Variants in TANC1 observed in about 807,000 individuals in gnomAD.
The protein encoded by TANC1 is tetratricopeptide repeat, ankyrin repeat and coiled-coil containing 1, also known as protein TANC1.
A neutral mutation model predicts 149.7 loss-of-function variants in TANC1; 77 were observed. That is an observed-to-expected ratio of 0.51 (90% CI 0.43 to 0.62). The LOEUF (loss-of-function observed/expected upper bound fraction) is 0.62. Among genes scored for constraint, TANC1 ranks in the 20% least tolerant of loss-of-function variants. The probability of loss-of-function intolerance (pLI) is 0.00; values close to 1 mark genes in which losing one functional copy is unlikely to be tolerated. For synonymous variants in TANC1, 854 were observed against 925.0 expected, an observed-to-expected ratio of 0.92 and a Z score of 1.39; for missense variants, 1,985 against 2,321.8, an observed-to-expected ratio of 0.85 and a Z score of 2.98.
intron 16 of TANC1, among the ~76,000 whole-genome samples, chr2:159,192,711 G>A (rs1266326068): frequency 1.3e-5 from 2 of 152,172 alleles, no homozygotes; most frequent in Admixed American, 6.5e-5. Flanking sequence ...GTGCAGTGAC[G>A]TAATCTTGGC....
chr2:159,229,491 C>G (rs904267343), intron 26 of TANC1, 87 bp from the exon 27 acceptor site: 36 of 1,164,966 alleles, frequency 3.1e-5, no homozygotes, highest in Non-Finnish European at 2.5e-5. Flanking sequence ...CCTTCTCTTT[C>G]CTTTGAGCAC....
intron 1 of TANC1, among the ~76,000 whole-genome samples, chr2:158,982,580 A>G (rs1162073952): frequency 6.6e-6 from 1 of 152,110 alleles, no homozygotes; most frequent in African/African-American, 2.4e-5. Context: ...TCCTCTTACC[A>G]TATTTTATTT....
intron 19 of TANC1, among the ~76,000 whole-genome samples, chr2:159,209,341 A>C (rs982128320): frequency 3.9e-5 from 6 of 152,232 alleles, no homozygotes; most frequent in African/African-American, 1.4e-4. Flanking sequence ...AGCTCTTGGA[A>C]AGTATGTTCT....
At chr2:159,097,570 G>A (rs943422517) in intron 3 of TANC1, 67 bp from the exon 4 acceptor site, 29 of 1,168,194 alleles carry the variant, frequency 2.5e-5, no homozygotes, top group Non-Finnish European at 3.5e-5. Context: ...ATAGTTTATA[G>A]GAGTTAAATT....
intron 19 of TANC1, among the ~76,000 whole-genome samples, chr2:159,201,957 C>T (rs1575226399): frequency 1.3e-5 from 2 of 152,242 alleles, no homozygotes; most frequent in African/African-American, 4.8e-5. Context: ...CATCTCTTCT[C>T]TGCCATTGCC....
intron 6 of TANC1, chr2:159,149,507 A>G (rs2150312968): frequency 3.8e-6 from 2 of 521,124 alleles, no homozygotes; most frequent in South Asian, 2.1e-5. Flanking sequence ...TCTAGTCACC[A>G]CCCAGAGAAT....
intron 2 of TANC1, among the ~76,000 whole-genome samples, chr2:159,022,087 C>T (rs187319657): frequency 2.6e-5 from 4 of 152,316 alleles, no homozygotes; most frequent in Admixed American, 6.5e-5. Context: ...TCCTGGTATA[C>T]GTAACTTTAC....
intron 1 of TANC1, among the ~76,000 whole-genome samples, chr2:158,987,213 CAAAAAAAAAAA>C (rs34300029): frequency 1.3e-5 from 1 of 76,026 alleles, no homozygotes; most frequent in Admixed American, 1.7e-4. Context: ...GACTCATCTC[CAAAAAAAAAAA>C]AAAAAAAAGA....
At chr2:159,162,656 C>A (rs1215807832) in intron 7 of TANC1, among the ~76,000 whole-genome samples, 2 of 152,222 alleles carry the variant, frequency 1.3e-5, no homozygotes, top group Non-Finnish European at 2.9e-5. Context: ...AGTATACCTT[C>A]TCCTGCTGGT....
At position 159,210,535 on chromosome 2, in the gene TANC1, G is replaced by A. The variant is rs1020436056; in HGVS notation, c.3245-6962G>A. 3.9e-5 allele frequency among the ~76,000 whole-genome samples: 6 copies of A among 151,990 alleles called. No individual in the cohort carries two copies. The East Asian group carries it at 5.8e-4, about 15-fold the overall frequency. Reference sequence around the variant, plus strand: ...GCTCTCTCACTGCTGTTTCCAATACGTTCAGATTGTTGTCAGGTTTTGTTT... The same window carrying A: ...GCTCTCTCACTGCTGTTTCCAATACATTCAGATTGTTGTCAGGTTTTGTTT... On this transcript the variant is annotated intron_variant, in intron 19 of 26. Coordinates refer to ENST00000263635, the MANE Select transcript of TANC1 (RefSeq NM_033394.3).
chr2:158,991,627 G>A (rs1403966064), intron 1 of TANC1, among the ~76,000 whole-genome samples: 2 of 151,986 alleles, frequency 1.3e-5, no homozygotes, highest in African/African-American at 2.4e-5. Context: ...GGTGGCGGGG[G>A]CCTGTAGTCC....
intron 4 of TANC1, 124 bp downstream of exon 4, chr2:159,097,958 G>A: frequency 1.3e-6 from 1 of 776,124 alleles, no homozygotes; most frequent in Non-Finnish European, 2.0e-6. Context: ...GTATCTTCTA[G>A]AAGAAATAAA....
chr2:159,039,237 CTTCT>C (rs546363113), intron 2 of TANC1, among the ~76,000 whole-genome samples: 3 of 151,958 alleles, frequency 2.0e-5, no homozygotes, highest in Non-Finnish European at 2.9e-5. Flanking sequence ...TGATTCTTCT[CTTCT>C]TTATTAGTCT....
chr2:159,194,466 G>A lies in TANC1; in HGVS notation c.2952G>A (p.Val984=). Residue 984 remains valine, a synonymous_variant, in exon 17 of 27, where the codon GTG becomes GTA. Transcript: ENST00000263635. ...YAAAAGHMKL[V]CLLTKKGVRV... ...CAGCTGCTGGCCACATGAAGCTGGT[G>A]TGTCTGCTGACCAAGAAGGGAGTGA... 2 of 1,614,260 alleles carry A rather than the reference G, an allele frequency of 1.2e-6. No individual in the cohort carries two copies. The highest frequency in any genetic ancestry group is 8.5e-7 in the Non-Finnish European group (1 of 1,180,034).
At chr2:159,183,811 C>G (rs1305976360) in intron 14 of TANC1, among the ~76,000 whole-genome samples, 2 of 152,062 alleles carry the variant, frequency 1.3e-5, no homozygotes, top group Non-Finnish European at 2.9e-5. Flanking sequence ...GGGACCGGGG[C>G]CTGAGTGACG....
intron 2 of TANC1, among the ~76,000 whole-genome samples, chr2:159,053,297 AAAAT>A (rs1299607986): frequency 6.6e-6 from 1 of 152,130 alleles, no homozygotes; most frequent in Non-Finnish European, 1.5e-5. Flanking sequence ...AAAAGAGAAA[AAAAT>A]AAAGCTATTG....
intron 4 of TANC1, among the ~76,000 whole-genome samples, chr2:159,130,365 CAAAAAGTTGTGAGGGGAAGG>C (rs2150155642): frequency 6.6e-6 from 1 of 152,180 alleles, no homozygotes; most frequent in South Asian, 2.1e-4. Flanking sequence ...TCGTTTTAAA[CAAAAAGTTGTGAGGGGAAGG>C]TGCTGGGCAG....
intron 1 of TANC1, among the ~76,000 whole-genome samples, chr2:158,976,238 A>G (rs1310150353): frequency 6.6e-6 from 1 of 152,202 alleles, no homozygotes; most frequent in Non-Finnish European, 1.5e-5. Flanking sequence ...TAAGCTTTTA[A>G]AATATTTAAT....
intron 2 of TANC1, among the ~76,000 whole-genome samples, chr2:159,052,653 G>A (rs1447644607): frequency 1.3e-5 from 2 of 152,100 alleles, no homozygotes; most frequent in African/African-American, 2.4e-5. Context: ...AACTTGAATG[G>A]GTGGAGAAAA....
Sources: allele counts gnomAD v4.1 joint callset (sites outside exome capture counted in the v4.1 genomes callset), GRCh38; gene constraint gnomAD v4.1.1; transcripts MANE v1.5; gene names NCBI Gene and HGNC (gene_info 2026-07-23, HGNC 2026-07-21).